Variants in ZNF148 observed in about 807,000 individuals in gnomAD.
The protein encoded by ZNF148 is Beta-Enolase Repressor Factor-1.
In ZNF148, 7 loss-of-function variants were observed where a neutral mutation model predicts 67.7. The ratio of observed to expected loss-of-function variants is 0.10; its 90% CI spans 0.06 to 0.19. The LOEUF (loss-of-function observed/expected upper bound fraction) is 0.19, where lower values mean the gene tolerates loss of function less well. ZNF148 is among the 10% of genes least tolerant of loss of function. The probability of loss-of-function intolerance (pLI) is 1.00; values close to 1 mark genes in which losing one functional copy is unlikely to be tolerated. For synonymous variants in ZNF148, 333 were observed against 330.7 expected (o/e 1.01, Z -0.08); for missense variants, 583 against 947.1 (o/e 0.62, Z 5.05).
At chr3:125,240,699 G>C (rs1936310439) in intron 7 of ZNF148, among the ~76,000 whole-genome samples, 1 of 151,706 alleles carries the variant, frequency 6.6e-6, no homozygotes, top group African/African-American at 2.4e-5. Context: ...GGGAGGTTGA[G>C]GCTGCAGTGA....
rs1035973882 is a variant in ZNF148 at position 125,313,411 on chromosome 3, T to G, written c.230A>C (p.His77Pro). The change falls in exon 4 of 9, where the codon CAT (histidine) becomes CCT (proline). Residue 77 changes from histidine (H) to proline (P), a missense_variant. Transcript: ENST00000360647. ...CTCCTCATGGACCATGAGTTCATCA[T>G]GTGATATCATATCCTGTTGTCTCAT... ...SEMRQQDMIS[H>P]DELMVHEETV... 6.2e-7 allele frequency: 1 copy of G among 1,614,198 alleles called. No individual in the cohort carries two copies. Among genetic ancestry groups the G allele is most frequent in the Middle Eastern group, 1.6e-4 (1 of 6,062 alleles).
At chr3:125,314,235 G>A (rs996385303) in intron 3 of ZNF148, among the ~76,000 whole-genome samples, 1 of 151,984 alleles carries the variant, frequency 6.6e-6, no homozygotes. Flanking sequence ...GTATGTATTA[G>A]ATCAACTATT....
intron 7 of ZNF148, among the ~76,000 whole-genome samples, chr3:125,241,152 A>G (rs1376391193): frequency 1.3e-5 from 2 of 151,704 alleles, no homozygotes; most frequent in African/African-American, 4.8e-5. Context: ...AAGGATCCCT[A>G]TTTATGGATT....
At chr3:125,305,454 T>G in intron 4 of ZNF148, among the ~76,000 whole-genome samples, 1 of 152,196 alleles carries the variant, frequency 6.6e-6, no homozygotes, top group East Asian at 1.9e-4. Context: ...CTGCTGGACT[T>G]TAGCAGCTCT....
Position 125,231,729 on chromosome 3 carries a change from T to A in ZNF148, c.*612A>T, listed in dbSNP as rs1052903213. On this transcript the variant is annotated 3_prime_UTR_variant, in exon 9 of 9. Transcript: ENST00000360647. Reference sequence around the variant, plus strand: ...ATTAGGCTTTTAAATAGTGGAGTCTTAGACTATCAGATTTTTATTACTTTT... The same window carrying A: ...ATTAGGCTTTTAAATAGTGGAGTCTAAGACTATCAGATTTTTATTACTTTT... The A allele has an allele frequency of 6.6e-6, 1 of 152,586 alleles. No individual in the cohort carries two copies. Among genetic ancestry groups the A allele is most frequent in the African/African-American group, 2.4e-5 (1 of 41,442 alleles). 9.5% of individuals were successfully genotyped at this position (152,586 alleles called of 1,614,324 possible).
rs201993120 is a variant in ZNF148, at chr3:125,317,688, T to TACAC, written c.-16-4036_-16-4033dup. Among the ~76,000 whole-genome samples, 200 of 119,694 alleles carry TACAC rather than the reference T, an allele frequency of 1.7e-3. 1 individual carries two copies. Among genetic ancestry groups the TACAC allele is most frequent in the African/African-American group, 2.8e-3 (85 of 30,416 alleles). The allele number at this position is 119,694 out of a possible 152,430, so 78.5% of individuals were successfully genotyped here. On this transcript the variant is annotated intron_variant, in intron 3 of 8. Transcript: ENST00000360647. ...AGAGAGAGAGAGAGAGAAATACATA[T>TACAC]ACACACACACATATATATATATATA... is the stretch of plus-strand genomic sequence containing the variant.
Position 125,322,228 on chromosome 3 carries a change from G to A in ZNF148, c.-17+1081C>T, listed in dbSNP as rs144251706. Among the ~76,000 whole-genome samples, 813 of 151,660 alleles carry A rather than the reference G, an allele frequency of 5.4e-3. 5 individuals are homozygous for A. Among genetic ancestry groups the A allele is most frequent in the African/African-American group, 0.019 (765 of 41,330 alleles). ...TTGTATGTAGAGACAGGGTTTCACC[G>A]TGTGAGCCAGGATGGTCTCGATGTC... is the stretch of plus-strand genomic sequence containing the variant. On this transcript the variant is annotated intron_variant, in intron 3 of 8. Transcript: ENST00000360647.
At position 125,317,662 on chromosome 3, in the gene ZNF148, T is replaced by TATATATAGAGAGAGAGAGAGAG. The variant is rs752542874; in HGVS notation, c.-16-4007_-16-4006insCTCTCTCTCTCTCTCTATATAT. Reference sequence around the variant, plus strand: ...GATCTTTTATATATATATATATATATAGAGAGAGAGAGAGAGAAATACATA... The same window carrying TATATATAGAGAGAGAGAGAGAG: ...GATCTTTTATATATATATATATATATATATATAGAGAGAGAGAGAGAGAGAGAGAGAGAGAGAGAAATACATA... On this transcript the variant is annotated intron_variant, in intron 3 of 8. Transcript: ENST00000360647. Among the ~76,000 whole-genome samples, 508 of 89,978 alleles carry TATATATAGAGAGAGAGAGAGAG rather than the reference T, an allele frequency of 5.6e-3. 9 individuals carry two copies. The highest frequency in any genetic ancestry group is 0.025 in the Middle Eastern group (3 of 122). The allele number at this position is 89,978 out of a possible 152,430, so 59.0% of individuals were successfully genotyped here.
chr3:125,328,862 A>G (rs1441761918), intron 2 of ZNF148, among the ~76,000 whole-genome samples: 1 of 152,108 alleles, frequency 6.6e-6, no homozygotes, highest in Non-Finnish European at 1.5e-5. Flanking sequence ...GTGTTGTCAA[A>G]GAGATAGAGA....
chr3:125,284,444 G>A (rs553972557), intron 5 of ZNF148, among the ~76,000 whole-genome samples: 10 of 152,228 alleles, frequency 6.6e-5, no homozygotes, highest in Admixed American at 6.5e-4. Flanking sequence ...ACGTCACCAA[G>A]GAATGAGAAG....
At chr3:125,239,261 A>G (rs1170807377) in intron 7 of ZNF148, among the ~76,000 whole-genome samples, 2 of 152,234 alleles carry the variant, frequency 1.3e-5, no homozygotes, top group East Asian at 3.8e-4. Flanking sequence ...GGAATAAAAA[A>G]TATTTACAAA....
chr3:125,323,592 G>C (rs906633895), intron 2 of ZNF148, 148 bp from the exon 3 acceptor site: 4 of 462,666 alleles, frequency 8.6e-6, no homozygotes, highest in Non-Finnish European at 1.5e-5. Context: ...GTACTGACTT[G>C]TTTTTATGTT....
intron 5 of ZNF148, among the ~76,000 whole-genome samples, chr3:125,285,106 C>G (rs560732079): frequency 6.2e-4 from 95 of 152,018 alleles, no homozygotes; most frequent in Non-Finnish European, 1.2e-3. Context: ...TGTGCAGATC[C>G]CCAATCTAAT....
In ZNF148 at chr3:125,320,827, T is replaced by C. The variant is rs147194602; in HGVS notation, c.-17+2482A>G. 6.5e-4 allele frequency among the ~76,000 whole-genome samples: 99 copies of C among 152,284 alleles called. 1 individual carries two copies. The East Asian group carries it at 0.018, about 28-fold the overall frequency. Reference sequence around the variant, plus strand: ...CTTCTGATCCAAAGCACTCTGTTATTTGGAGGATGCCAGTTACATTAACTT... The same window carrying C: ...CTTCTGATCCAAAGCACTCTGTTATCTGGAGGATGCCAGTTACATTAACTT... On this transcript the variant is annotated intron_variant, in intron 3 of 8. Transcript: ENST00000360647.
intron 1 of ZNF148, among the ~76,000 whole-genome samples, chr3:125,354,192 T>TA (rs1942261387): frequency 6.6e-6 from 1 of 151,828 alleles, no homozygotes; most frequent in African/African-American, 2.4e-5. Context: ...AAAATTTTTT[T>TA]AAATTTCAAT....
intron 1 of ZNF148, among the ~76,000 whole-genome samples, chr3:125,354,872 T>G (rs971398553): frequency 1.3e-5 from 2 of 152,240 alleles, no homozygotes; most frequent in African/African-American, 2.4e-5. Flanking sequence ...AAAAAGTAAC[T>G]AATTCACTGA....
At chr3:125,319,178 T>C (rs1029287120) in intron 3 of ZNF148, among the ~76,000 whole-genome samples, 1 of 152,214 alleles carries the variant, frequency 6.6e-6, no homozygotes, top group South Asian at 2.1e-4. Flanking sequence ...CCAGAAGAAA[T>C]AGCTGACTCT....
At chr3:125,236,350 C>T (rs1936090661) in intron 7 of ZNF148, among the ~76,000 whole-genome samples, 1 of 152,144 alleles carries the variant, frequency 6.6e-6, no homozygotes, top group African/African-American at 2.4e-5. Flanking sequence ...AGGCATGAGC[C>T]ACTGCGCCTT....
At chr3:125,346,375 A>ATAG (rs1941943407) in intron 1 of ZNF148, among the ~76,000 whole-genome samples, 1 of 151,694 alleles carries the variant, frequency 6.6e-6, no homozygotes, top group Non-Finnish European at 1.5e-5. Flanking sequence ...CAAAAGTAAA[A>ATAG]TAAGTGCTTC....
Sources: gnomAD v4.1 joint callset for allele counts (sites outside exome capture counted in the v4.1 genomes callset) on GRCh38, gnomAD v4.1.1 for gene constraint, MANE v1.5 for transcripts, NCBI Gene and HGNC (gene_info 2026-07-23, HGNC 2026-07-21) for gene names.